The following SLC38A3 variants were observed in gnomAD, a reference collection of about 807,000 sequenced individuals.
SLC38A3 encodes the protein solute carrier family 38 member 3.
Under a neutral mutation model 59.5 loss-of-function variants are expected in SLC38A3, and 17 were observed. The observed-to-expected ratio is 0.29, with a 90% CI of 0.20 to 0.43. The LOEUF is 0.43. Among genes scored for constraint, SLC38A3 ranks in the 20% least tolerant of loss-of-function variants. The pLI is 1.00. For synonymous variants in SLC38A3, 238 were observed against 260.3 expected (o/e 0.91, Z 0.82); for missense variants, 454 against 653.9 (o/e 0.69, Z 3.33).
chr3:50,218,875 C>G lies in SLC38A3; in HGVS notation c.1233C>G (p.Ala411=). The change falls in exon 14 of 16, where the codon GCC becomes GCG. Residue 411 remains alanine (A), a synonymous_variant. Coordinates refer to ENST00000614032, the MANE Select transcript of SLC38A3 (RefSeq NM_006841.6). This position sits in a 1 kb window ranked among gnomAD's most constrained non-coding sequence, Gnocchi z 5.8. ...GCTGGCTGCGGCATGTGCTTATTGCCGTTGGCCTGCTCACTTGTATCAACC... is the reference window on the plus strand; with the variant it reads ...GCTGGCTGCGGCATGTGCTTATTGCGGTTGGCCTGCTCACTTGTATCAACC... ...EFSWLRHVLI[A]VGLLTCINLL... is the part of the protein sequence containing the mutation. 6.2e-7 allele frequency: 1 copy of G among 1,613,720 alleles called. No individual in the cohort carries two copies.
chr3:50,216,076 G>A (rs587739044), intron 7 of SLC38A3, among the ~76,000 whole-genome samples: 1 of 152,332 alleles, frequency 6.6e-6, no homozygotes, highest in Non-Finnish European at 1.5e-5. Context: ...AGCTGAGGAA[G>A]CTGGGCCTCT....
intron 1 of SLC38A3, among the ~76,000 whole-genome samples, chr3:50,212,532 G>T (rs1181946256): frequency 1.3e-5 from 2 of 152,200 alleles, no homozygotes; most frequent in African/African-American, 2.4e-5. Context: ...GTGGGTCTGG[G>T]AGGAGAGGAG....
In SLC38A3 at chr3:50,217,977, A is replaced by G. The variant is rs1479897497; in HGVS notation, c.916A>G (p.Ile306Val). ...CGTCTGCCACCCCGAGGTGCTGCCC[A>G]TCTATACTGAGCTCAAGGAGTAGGT... ...AFVCHPEVLP[I>V]YTELKDPSKK... The change falls in exon 11 of 16, where the codon ATC (isoleucine) becomes GTC (valine). Residue 306 changes from isoleucine (I) to valine (V), a missense_variant. Coordinates refer to ENST00000614032, the MANE Select transcript of SLC38A3 (RefSeq NM_006841.6). This position sits in a 1 kb window ranked among gnomAD's most constrained non-coding sequence, Gnocchi z 4.9. 1 of 1,613,970 alleles carries G rather than the reference A, an allele frequency of 6.2e-7. No homozygotes were observed. Among genetic ancestry groups the G allele is most frequent in the East Asian group, 2.2e-5 (1 of 44,880 alleles).
At chr3:50,209,663 AG>A (rs1418280329) in intron 1 of SLC38A3, among the ~76,000 whole-genome samples, 1 of 151,332 alleles carries the variant, frequency 6.6e-6, no homozygotes, top group Non-Finnish European at 1.5e-5. Context: ...AAAAAAAACA[AG>A]AAAAAAAAAG....
In SLC38A3 at chr3:50,217,926, A is replaced by G. The variant is rs771361067; in HGVS notation, c.865A>G (p.Thr289Ala). ...YFTLNSQTAY[T>A]IPIMAFAFVC... is the part of the protein sequence containing the mutation. ...CCCCGTGTTTCCCCAGACAGCATACACCATCCCCATCATGGCCTTCGCCTT... is the reference window on the plus strand; with the variant it reads ...CCCCGTGTTTCCCCAGACAGCATACGCCATCCCCATCATGGCCTTCGCCTT... The change falls in exon 11 of 16, where the codon ACC becomes GCC. Residue 289 changes from threonine to alanine, a missense_variant. Transcript: ENST00000614032. The surrounding 1 kb of genome is among the most constrained non-coding windows in gnomAD (Gnocchi z 4.9). 11 of 1,613,792 alleles carry G rather than the reference A, an allele frequency of 6.8e-6. No individual in the cohort carries two copies. The highest frequency in any genetic ancestry group is 1.3e-5 in the African/African-American group (1 of 74,874).
intron 1 of SLC38A3, among the ~76,000 whole-genome samples, chr3:50,208,261 C>CTT (rs11293008): frequency 1.4e-4 from 18 of 129,956 alleles, no homozygotes; most frequent in East Asian, 2.4e-4. Context: ...AGCTTTCTCT[C>CTT]TTTTTTTTTT....
chr3:50,217,807 C>T lies in SLC38A3; in HGVS notation c.822C>T (p.Phe274=), dbSNP rs1699840253. 1 of 1,614,066 alleles carries T rather than the reference C, an allele frequency of 6.2e-7. No individual in the cohort carries two copies. Among genetic ancestry groups the T allele is most frequent in the Non-Finnish European group, 8.5e-7 (1 of 1,179,908 alleles). Residue 274 remains phenylalanine, a synonymous_variant, in exon 10 of 16, where the codon TTC becomes TTT. Coordinates refer to ENST00000614032, the MANE Select transcript of SLC38A3 (RefSeq NM_006841.6). This position sits in a 1 kb window ranked among gnomAD's most constrained non-coding sequence, Gnocchi z 4.9. ...AGGTCGAGCCTGAGGCTTCAGCCTT[C>T]TGCACTCCCAGCTACTTCACGCTCA... is the stretch of plus-strand genomic sequence containing the variant. ...QLQVEPEASA[F]CTPSYFTLNS...
chr3:50,207,953 T>G (rs1013195437), intron 1 of SLC38A3: 1 of 152,356 alleles, frequency 6.6e-6, no homozygotes. Context: ...TCCACATGTA[T>G]TTTCCATTGC....
chr3:50,218,248 C>A lies in SLC38A3; in HGVS notation c.936-22C>A, dbSNP rs766100207. ...ATGTTACCCAGCTTGTCACCAACAC[C>A]CACCCCCCCACTTCCCCACAGCCCC... On this transcript the variant is annotated intron_variant, in intron 11 of 15. Transcript: ENST00000614032. This position sits in a 1 kb window ranked among gnomAD's most constrained non-coding sequence, Gnocchi z 5.8. 69 of 1,440,942 alleles carry A rather than the reference C, an allele frequency of 4.8e-5. 1 individual carries two copies. The South Asian group carries it at 7.3e-4, about 15-fold the overall frequency. 89.3% of individuals were successfully genotyped at this position (1,440,942 alleles called of 1,614,324 possible).
rs369781968 is a variant in SLC38A3, at chr3:50,219,684, A to G, written c.1307-197A>G. Among the ~76,000 whole-genome samples the G allele has an allele frequency of 4.5e-4, 69 of 152,294 alleles. No individual in the cohort carries two copies. The South Asian group carries it at 0.013, about 28-fold the overall frequency. Reference sequence around the variant, plus strand: ...ATTGGCTGACATTCTTCTGACACCAACATCACCAGCCTTCTATCCTCATGG... The same window carrying G: ...ATTGGCTGACATTCTTCTGACACCAGCATCACCAGCCTTCTATCCTCATGG... On this transcript the variant is annotated intron_variant, in intron 14 of 15. Coordinates refer to ENST00000614032, the MANE Select transcript of SLC38A3 (RefSeq NM_006841.6).
In SLC38A3 at chr3:50,217,246, A is replaced by G. The variant is rs889708359; in HGVS notation, c.557A>G (p.Tyr186Cys). Residue 186 changes from tyrosine to cysteine, a missense_variant, in exon 8 of 16, where the codon TAC (tyrosine) becomes TGC (cysteine). Physicochemically the swap from Tyr to Cys is radical, Grantham distance 194. Transcript: ENST00000614032. The surrounding 1 kb of genome is among the most constrained non-coding windows in gnomAD (Gnocchi z 4.9). ...GACTCATGTCCCTGCAGGGACTGGT[A>G]CATGAACGGGAACTACCTGGTAATC... ...LNLEEKTSDW[Y>C]MNGNYLVILV... is the part of the protein sequence containing the mutation. The G allele has an allele frequency of 6.2e-7, 1 of 1,612,506 alleles. No individual in the cohort carries two copies. The highest frequency in any genetic ancestry group is 8.5e-7 in the Non-Finnish European group (1 of 1,179,110).
chr3:50,215,805 C>T lies in SLC38A3; in HGVS notation c.532C>T (p.Leu178=). ...LPLVIQTFLN[L]EEKTSDWYMN... Reference sequence around the variant, plus strand: ...ACTTGTCATACAGACCTTCCTGAACCTGGAGGAGAAAACCTCGTGAGCCCT... The same window carrying T: ...ACTTGTCATACAGACCTTCCTGAACTTGGAGGAGAAAACCTCGTGAGCCCT... The change falls in exon 7 of 16, where the codon CTG becomes TTG. Residue 178 remains leucine, a synonymous_variant. Transcript: ENST00000614032. The surrounding 1 kb of genome is among the most constrained non-coding windows in gnomAD (Gnocchi z 7.1). 1.3e-6 allele frequency: 2 copies of T among 1,578,748 alleles called. No individual in the cohort carries two copies. The highest frequency in any genetic ancestry group is 1.7e-4 in the Middle Eastern group (1 of 6,010).
Position 50,215,060 on chromosome 3 carries a change from G to A in SLC38A3, c.299+292G>A, listed in dbSNP as rs982915527. Reference sequence around the variant, plus strand: ...ACGGCCAGGCCTTGTGTGGGCACACGTGTCCTTTGGCTGGGGGCTCTGCCC... The same window carrying A: ...ACGGCCAGGCCTTGTGTGGGCACACATGTCCTTTGGCTGGGGGCTCTGCCC... On this transcript the variant is annotated intron_variant, in intron 4 of 15. Transcript: ENST00000614032. This position sits in a 1 kb window ranked among gnomAD's most constrained non-coding sequence, Gnocchi z 7.1. 5 of 573,074 alleles carry A rather than the reference G, an allele frequency of 8.7e-6. No homozygotes were observed. Among genetic ancestry groups the A allele is most frequent in the South Asian group, 2.1e-5 (1 of 48,352 alleles). 35.5% of individuals were successfully genotyped at this position (573,074 alleles called of 1,614,324 possible). A position where few individuals can be genotyped will look rare whatever the true frequency, so the allele number is the denominator to read the frequency against.
Position 50,214,415 on chromosome 3 carries a change from G to T in SLC38A3, c.115G>T (p.Ala39Ser). Residue 39 changes from alanine to serine, a missense_variant, in exon 3 of 16, where the codon GCA becomes TCA. Around this residue, in one of 3 missense-constraint regions of SLC38A3, gnomAD observed 390 missense variants for 557.9 expected, o/e 0.70. Coordinates refer to ENST00000614032, the MANE Select transcript of SLC38A3 (RefSeq NM_006841.6). This position sits in a 1 kb window ranked among gnomAD's most constrained non-coding sequence, Gnocchi z 6.0. The part of the protein sequence containing the change: ...MAGNQRVEDP[A>S]RSCMEGKSFL... ...CTGTGCCTACAGGGTCGAGGACCCT[G>T]CACGGAGCTGTATGGAGGGCAAGAG... 1 of 1,585,616 alleles carries T rather than the reference G, an allele frequency of 6.3e-7. No homozygotes were observed. Among genetic ancestry groups the T allele is most frequent in the Non-Finnish European group, 8.6e-7 (1 of 1,166,092 alleles).
Position 50,220,262 on chromosome 3 carries a change from G to T in SLC38A3, c.*85G>T. ...CCTGCTCCCATCCAGTGGCCAGTCGGGGGAGGAGAAAGACGCGATTAACAC... is the reference window on the plus strand; with the variant it reads ...CCTGCTCCCATCCAGTGGCCAGTCGTGGGAGGAGAAAGACGCGATTAACAC... On this transcript the variant is annotated 3_prime_UTR_variant, in exon 16 of 16. Transcript: ENST00000614032. The T allele has an allele frequency of 9.6e-7, 1 of 1,040,304 alleles. No homozygotes were observed. Among genetic ancestry groups the T allele is most frequent in the South Asian group, 1.4e-5 (1 of 73,270 alleles). The allele number at this position is 1,040,304 out of a possible 1,614,324, so 64.4% of individuals were successfully genotyped here.
At chr3:50,209,368 G>A (rs1337217032) in intron 1 of SLC38A3, among the ~76,000 whole-genome samples, 1 of 152,236 alleles carries the variant, frequency 6.6e-6, no homozygotes, top group African/African-American at 2.4e-5. Context: ...CCTGGCCATG[G>A]CCGGGCGCAG....
In SLC38A3 at chr3:50,218,256, C is replaced by T. The variant is rs777253993; in HGVS notation, c.936-14C>T. 1.3e-6 allele frequency: 2 copies of T among 1,537,984 alleles called. No homozygotes were observed. Among genetic ancestry groups the T allele is most frequent in the Non-Finnish European group, 1.8e-6 (2 of 1,110,290 alleles). ...CAGCTTGTCACCAACACCCACCCCC[C>T]CACTTCCCCACAGCCCCTCCAAGAA... is the stretch of plus-strand genomic sequence containing the variant. On this transcript the variant is annotated splice_polypyrimidine_tract_variant and intron_variant, in intron 11 of 15. Coordinates refer to ENST00000614032, the MANE Select transcript of SLC38A3 (RefSeq NM_006841.6). The surrounding 1 kb of genome is among the most constrained non-coding windows in gnomAD (Gnocchi z 5.8).
chr3:50,211,715 C>T (rs1192355372), intron 1 of SLC38A3, among the ~76,000 whole-genome samples: 3 of 151,612 alleles, frequency 2.0e-5, no homozygotes, highest in Admixed American at 1.3e-4. Context: ...CAGCCTCCTG[C>T]GTAGCTGGGA....
At chr3:50,206,203 G>A (rs1037934156) in intron 1 of SLC38A3, among the ~76,000 whole-genome samples, 5 of 152,284 alleles carry the variant, frequency 3.3e-5, no homozygotes, top group African/African-American at 1.2e-4. Flanking sequence ...GACCTGCGGG[G>A]ACCCGCCCTT....
Sources: gnomAD v4.1 joint callset for allele counts (sites outside exome capture counted in the v4.1 genomes callset) on GRCh38, gnomAD v4.1.1 for gene constraint, gnomAD v4.1.1 regional missense constraint, Gnocchi (gnomAD v3.1) non-coding constraint, MANE v1.5 for transcripts, NCBI Gene and HGNC (gene_info 2026-07-23, HGNC 2026-07-21) for gene names.